SMCP: variants seen among roughly 807,000 people sequenced by gnomAD.
The protein encoded by SMCP is sperm mitochondrial-associated cysteine-rich protein.
For missense variants in SMCP, 137 were observed against 137.1 expected (o/e 1.00, Z 0.01); for synonymous variants, 41 against 46.9 (o/e 0.87, Z 0.51).
At chr1:152,882,546 A>G (rs568046366) in intron 1 of SMCP, among the ~76,000 whole-genome samples, 1 of 152,312 alleles carries the variant, frequency 6.6e-6, no homozygotes, top group East Asian at 1.9e-4. Flanking sequence ...GTAAAGACTC[A>G]TGAGAAAGTT....
chr1:152,884,535 A>C lies in SMCP; in HGVS notation c.113A>C (p.Lys38Thr). ...QSKGNQCCPP[K>T]QNQCCQPKGS... ...AAAGGCAATCAATGCTGCCCACCAAAACAGAACCAGTGCTGCCAGCCAAAA... is the reference window on the plus strand; with the variant it reads ...AAAGGCAATCAATGCTGCCCACCAACACAGAACCAGTGCTGCCAGCCAAAA... The change falls in exon 2 of 2, where the codon AAA becomes ACA. Residue 38 changes from lysine (K) to threonine (T), a missense_variant. Lys to Thr is a moderately conservative substitution (Grantham distance 78). Coordinates refer to ENST00000368765, the MANE Select transcript of SMCP (RefSeq NM_030663.3). 2 of 1,614,054 alleles carry C rather than the reference A, an allele frequency of 1.2e-6. No individual in the cohort carries two copies. The highest frequency in any genetic ancestry group is 1.7e-6 in the Non-Finnish European group (2 of 1,180,016).
intron 1 of SMCP, among the ~76,000 whole-genome samples, chr1:152,882,908 G>A (rs1023937934): frequency 6.6e-6 from 1 of 152,228 alleles, no homozygotes; most frequent in Admixed American, 6.5e-5. Flanking sequence ...GCTGGGCGTG[G>A]TGGTAGGCAT....
chr1:152,884,115 T>C (rs1649133777), intron 1 of SMCP, among the ~76,000 whole-genome samples: 1 of 152,174 alleles, frequency 6.6e-6, no homozygotes, highest in African/African-American at 2.4e-5. Context: ...AGACTGAGGG[T>C]CAAACTGTTT....
Position 152,884,611 on chromosome 1 carries a change from C to T in SMCP, c.189C>T (p.Pro63=). The part of the protein sequence containing the change: ...PKHNHCCQPK[P]PCCIQARCCG... ...ACAATCACTGCTGCCAGCCAAAACC[C>T]CCATGCTGCATTCAGGCCAGGTGCT... Residue 63 remains proline (P), a synonymous_variant, in exon 2 of 2, where the codon CCC becomes CCT. Coordinates refer to ENST00000368765, the MANE Select transcript of SMCP (RefSeq NM_030663.3). 6.2e-7 allele frequency: 1 copy of T among 1,614,112 alleles called. No individual in the cohort carries two copies. Among genetic ancestry groups the T allele is most frequent in the Non-Finnish European group, 8.5e-7 (1 of 1,180,030 alleles).
intron 1 of SMCP, among the ~76,000 whole-genome samples, chr1:152,879,125 C>T (rs188876275): frequency 1.6e-3 from 248 of 152,306 alleles, no homozygotes; most frequent in African/African-American, 5.5e-3. Flanking sequence ...AAGTGTTTGA[C>T]ATGATTAGGC....
rs771055931 is a variant in SMCP, at chr1:152,884,761, G to A, written c.339G>A (p.Arg113=). The A allele has an allele frequency of 1.9e-6, 3 of 1,613,684 alleles. No individual in the cohort carries two copies. The highest frequency in any genetic ancestry group is 2.5e-6 in the Non-Finnish European group (3 of 1,179,774). ...QQPHSPQNES[R]PSK ...CCCATAGCCCACAAAATGAGTCCAG[G>A]CCAAGCAAATGAGAGCAGAAGAAGT... Residue 113 remains arginine (R), a synonymous_variant, in exon 2 of 2, where the codon AGG becomes AGA. Transcript: ENST00000368765.
chr1:152,881,717 A>G (rs12022349), intron 1 of SMCP, among the ~76,000 whole-genome samples: 16,336 of 148,048 alleles, frequency 0.11, 2,373 homozygotes, highest in East Asian at 0.5. Context: ...AAAAAAAGAT[A>G]CTACCCAAGA....
intron 1 of SMCP, among the ~76,000 whole-genome samples, chr1:152,881,290 G>A (rs933088712): frequency 3.9e-5 from 6 of 152,092 alleles, no homozygotes; most frequent in East Asian, 1.9e-4. Context: ...TCTAACAGGC[G>A]TCCTTTAGCA....
chr1:152,879,270 G>A (rs1648963513), intron 1 of SMCP, among the ~76,000 whole-genome samples: 2 of 152,304 alleles, frequency 1.3e-5, no homozygotes, highest in Non-Finnish European at 1.5e-5. Flanking sequence ...ACCCAGGCTG[G>A]AGTGCAGTGG....
chr1:152,882,155 G>C (rs1303064784), intron 1 of SMCP, among the ~76,000 whole-genome samples: 1 of 151,978 alleles, frequency 6.6e-6, no homozygotes, highest in Non-Finnish European at 1.5e-5. Flanking sequence ...ATTTTTTGTA[G>C]AGACAGGGTT....
Position 152,884,831 on chromosome 1 carries a change from G to A in SMCP, c.*58G>A. The A allele has an allele frequency of 2.7e-6, 4 of 1,475,186 alleles. No homozygotes were observed. Among genetic ancestry groups the A allele is most frequent in the East Asian group, 2.3e-5 (1 of 43,998 alleles). 91.4% of individuals were successfully genotyped at this position (1,475,186 alleles called of 1,614,324 possible). A position where few individuals can be genotyped will look rare whatever the true frequency, so the allele number is the denominator to read the frequency against. ...TGGGGCCATGCCTTTCACTTTGTAG[G>A]GTGGGGGATTACTGAGAGTCAGGCT... On this transcript the variant is annotated 3_prime_UTR_variant, in exon 2 of 2. Coordinates refer to ENST00000368765, the MANE Select transcript of SMCP (RefSeq NM_030663.3).
In SMCP at chr1:152,884,927, A is replaced by G. The variant is rs1432430265; in HGVS notation, c.*154A>G. The stretch of plus-strand genomic sequence containing the variant: ...ACCCAATGAGAGGCTCCTATTTCCC[A>G]TCATAGCTCCCTACCCTAGGGAGGC... On this transcript the variant is annotated 3_prime_UTR_variant, in exon 2 of 2. Coordinates refer to ENST00000368765, the MANE Select transcript of SMCP (RefSeq NM_030663.3). 10 of 678,674 alleles carry G rather than the reference A, an allele frequency of 1.5e-5. No homozygotes were observed. Among genetic ancestry groups the G allele is most frequent in the Non-Finnish European group, 2.0e-5 (8 of 396,032 alleles). The allele number at this position is 678,674 out of a possible 1,614,324, so 42.0% of individuals were successfully genotyped here.
Position 152,884,844 on chromosome 1 carries a change from T to C in SMCP, c.*71T>C. The C allele has an allele frequency of 7.2e-7, 1 of 1,380,832 alleles. No individual in the cohort carries two copies. Among genetic ancestry groups the C allele is most frequent in the Non-Finnish European group, 1.0e-6 (1 of 991,074 alleles). 85.5% of individuals were successfully genotyped at this position (1,380,832 alleles called of 1,614,324 possible). A position where few individuals can be genotyped will look rare whatever the true frequency, so the allele number is the denominator to read the frequency against. ...TTCACTTTGTAGGGTGGGGGATTAC[T>C]GAGAGTCAGGCTAGACCTGTGTTTA... On this transcript the variant is annotated 3_prime_UTR_variant, in exon 2 of 2. Coordinates refer to ENST00000368765, the MANE Select transcript of SMCP (RefSeq NM_030663.3).
At position 152,884,509 on chromosome 1, in the gene SMCP, A is replaced by C. The variant is rs774576103; in HGVS notation, c.87A>C (p.Ser29=). The C allele has an allele frequency of 2.2e-5, 35 of 1,614,020 alleles. No individual in the cohort carries two copies. The South Asian group carries it at 3.1e-4, about 14-fold the overall frequency. The change falls in exon 2 of 2, where the codon TCA becomes TCC. Residue 29 remains serine (S), a synonymous_variant. Coordinates refer to ENST00000368765, the MANE Select transcript of SMCP (RefSeq NM_030663.3). ...CACAGCAGAACCAGTGCTGCCAGTC[A>C]AAAGGCAATCAATGCTGCCCACCAA... The part of the protein sequence containing the change: ...CPPQQNQCCQ[S]KGNQCCPPKQ...
At chr1:152,882,998 C>A (rs992376300) in intron 1 of SMCP, among the ~76,000 whole-genome samples, 2 of 152,208 alleles carry the variant, frequency 1.3e-5, no homozygotes, top group Non-Finnish European at 2.9e-5. Context: ...GAGCTGAGAT[C>A]GCACCATTGC....
At position 152,879,729 on chromosome 1, in the gene SMCP, A is replaced by G. The variant is rs529043037; in HGVS notation, c.-21+1283A>G. Among the ~76,000 whole-genome samples, 6 of 152,278 alleles carry G rather than the reference A, an allele frequency of 3.9e-5. No homozygotes were observed. In the South Asian group the frequency reaches 6.2e-4, roughly 16 times the overall value. Reference sequence around the variant, plus strand: ...AGAAGGACTTGATGTTGCCCTCCCTATGCTACAGTCAACAAGACTGGTTTC... The same window carrying G: ...AGAAGGACTTGATGTTGCCCTCCCTGTGCTACAGTCAACAAGACTGGTTTC... On this transcript the variant is annotated intron_variant, in intron 1 of 1. Transcript: ENST00000368765.
chr1:152,882,632 T>G (rs1311728662), intron 1 of SMCP, among the ~76,000 whole-genome samples: 1 of 152,128 alleles, frequency 6.6e-6, no homozygotes, highest in Non-Finnish European at 1.5e-5. Context: ...TAATTATGCA[T>G]GGACACATGC....
chr1:152,881,565 G>C (rs12025444), intron 1 of SMCP, among the ~76,000 whole-genome samples: 8,386 of 150,646 alleles, frequency 0.056, 978 homozygotes, highest in East Asian at 0.51. Flanking sequence ...GCGGGCGCCT[G>C]TAGTCCCAGC....
chr1:152,884,392 T>G lies in SMCP; in HGVS notation c.-20-11T>G. Reference sequence around the variant, plus strand: ...TTTCCTTCTGATGAGAATATTATTTTCTTTTTCTAGTACCTCCAAGTGTTC... The same window carrying G: ...TTTCCTTCTGATGAGAATATTATTTGCTTTTTCTAGTACCTCCAAGTGTTC... On this transcript the variant is annotated splice_polypyrimidine_tract_variant and intron_variant, in intron 1 of 1. Coordinates refer to ENST00000368765, the MANE Select transcript of SMCP (RefSeq NM_030663.3). 6.2e-7 allele frequency: 1 copy of G among 1,607,324 alleles called. No individual in the cohort carries two copies. The highest frequency in any genetic ancestry group is 8.5e-7 in the Non-Finnish European group (1 of 1,175,370).
Sources: allele counts gnomAD v4.1 joint callset (sites outside exome capture counted in the v4.1 genomes callset), GRCh38; gene constraint gnomAD v4.1.1; transcripts MANE v1.5; gene names NCBI Gene and HGNC (gene_info 2026-07-23, HGNC 2026-07-21).